Variants in TBC1D22A observed in about 807,000 individuals in gnomAD.
TBC1D22A encodes the protein TBC1 domain family member 22A, also known as putative GTPase activator.
TBC1D22A carries 38 observed loss-of-function variants against 60.2 expected under a neutral mutation model. The observed-to-expected ratio is 0.63, with a 90% CI of 0.49 to 0.83. The LOEUF (loss-of-function observed/expected upper bound fraction) is 0.83. TBC1D22A is among the 40% of genes least tolerant of loss of function. The probability of loss-of-function intolerance (pLI) is 0.00; values close to 1 mark genes in which losing one functional copy is unlikely to be tolerated. For synonymous variants in TBC1D22A, 302 were observed against 281.7 expected (o/e 1.07, Z -0.72); for missense variants, 628 against 701.0 (o/e 0.90, Z 1.18).
intron 12 of TBC1D22A, among the ~76,000 whole-genome samples, chr22:47,130,223 G>A (rs1218660975): frequency 1.3e-5 from 2 of 152,212 alleles, no homozygotes; most frequent in East Asian, 3.9e-4. Context: ...GGTTACCGGA[G>A]CGGGCGTGTC....
At chr22:46,770,791 T>G (rs1416995328) in intron 1 of TBC1D22A, among the ~76,000 whole-genome samples, 1 of 152,254 alleles carries the variant, frequency 6.6e-6, no homozygotes, top group Non-Finnish European at 1.5e-5. Flanking sequence ...TATTGCCTTT[T>G]GCTTATGTTT....
intron 1 of TBC1D22A, among the ~76,000 whole-genome samples, chr22:46,769,527 C>T (rs1047501539): frequency 1.3e-5 from 2 of 152,200 alleles, no homozygotes; most frequent in Non-Finnish European, 2.9e-5. Context: ...ATGCTCATGT[C>T]CTCCTTACAC....
intron 11 of TBC1D22A, among the ~76,000 whole-genome samples, chr22:47,051,269 A>C (rs114808891): frequency 3.3e-5 from 5 of 152,318 alleles, no homozygotes; most frequent in African/African-American, 1.2e-4. Flanking sequence ...ACATAGAGCA[A>C]ATTTCCCTAG....
chr22:46,858,757 C>CGTCCT (rs2087706940), intron 4 of TBC1D22A, among the ~76,000 whole-genome samples: 1 of 152,212 alleles, frequency 6.6e-6, no homozygotes, highest in South Asian at 2.1e-4. Flanking sequence ...AGAGGGAGGA[C>CGTCCT]ACCCACCGCT....
intron 12 of TBC1D22A, among the ~76,000 whole-genome samples, chr22:47,127,385 G>A (rs1008564622): frequency 2.9e-5 from 4 of 139,582 alleles, no homozygotes; most frequent in African/African-American, 1.1e-4. Context: ...GTGCTACCAC[G>A]CCCAGCTGAT....
chr22:47,030,607 T>A (rs897284703), intron 10 of TBC1D22A, among the ~76,000 whole-genome samples: 8 of 152,228 alleles, frequency 5.3e-5, no homozygotes, highest in Admixed American at 5.2e-4. Flanking sequence ...AAGGGCTTTA[T>A]GAAAAAACCT....
At chr22:47,123,849 G>C (rs145474905) in intron 12 of TBC1D22A, among the ~76,000 whole-genome samples, 1 of 152,192 alleles carries the variant, frequency 6.6e-6, no homozygotes, top group African/African-American at 2.4e-5. Context: ...AGGGTCATGC[G>C]TGCTGTGAGA....
chr22:46,895,523 C>T (rs1042763426), intron 7 of TBC1D22A, among the ~76,000 whole-genome samples: 1 of 152,216 alleles, frequency 6.6e-6, no homozygotes, highest in African/African-American at 2.4e-5. Context: ...AGGCACCCAC[C>T]ACCACGCCCG....
At chr22:46,856,488 A>C (rs1200758971) in intron 4 of TBC1D22A, among the ~76,000 whole-genome samples, 1 of 152,260 alleles carries the variant, frequency 6.6e-6, no homozygotes, top group Non-Finnish European at 1.5e-5. Flanking sequence ...GAAAGGATTT[A>C]GATTTTTAAC....
chr22:47,163,293 T>C (rs988456963), intron 12 of TBC1D22A, among the ~76,000 whole-genome samples: 7 of 152,264 alleles, frequency 4.6e-5, no homozygotes, highest in African/African-American at 1.7e-4. Context: ...CCCCTCCCAA[T>C]GCCTGCACTC....
chr22:47,174,763 G>A lies in TBC1D22A; in HGVS notation c.*1137G>A, dbSNP rs922644596. ...GTGGACCAGTTCCCGCTGTATACTG[G>A]TTCTGCCCTGGACTGGTTCCCGCTG... is the stretch of plus-strand genomic sequence containing the variant. On this transcript the variant is annotated 3_prime_UTR_variant, in exon 13 of 13. Transcript: ENST00000337137. 6 of 148,900 alleles carry A rather than the reference G, an allele frequency of 4.0e-5. No individual in the cohort carries two copies. Among genetic ancestry groups the A allele is most frequent in the Non-Finnish European group, 9.1e-5 (6 of 65,904 alleles). 9.2% of individuals were successfully genotyped at this position (148,900 alleles called of 1,614,324 possible).
At chr22:46,936,796 T>C (rs1431227510) in intron 8 of TBC1D22A, among the ~76,000 whole-genome samples, 2 of 152,244 alleles carry the variant, frequency 1.3e-5, no homozygotes, top group Non-Finnish European at 2.9e-5. Flanking sequence ...CTGCTCTTCG[T>C]AAGCCACACT....
intron 7 of TBC1D22A, among the ~76,000 whole-genome samples, chr22:46,911,456 A>C (rs1320228507): frequency 2.0e-5 from 3 of 152,280 alleles, no homozygotes; most frequent in African/African-American, 7.2e-5. Context: ...CTCCCTGAGG[A>C]AGTCTCCACT....
chr22:47,161,070 C>CCA, intron 12 of TBC1D22A, among the ~76,000 whole-genome samples: 1 of 152,218 alleles, frequency 6.6e-6, no homozygotes, highest in African/African-American at 2.4e-5. Context: ...GCCCTGCCTC[C>CCA]CAGCTGGCCC....
intron 8 of TBC1D22A, among the ~76,000 whole-genome samples, chr22:46,953,161 CATTTA>C (rs1387640702): frequency 1.3e-5 from 2 of 152,184 alleles, no homozygotes; most frequent in East Asian, 3.8e-4. Flanking sequence ...CTGTTTTCCA[CATTTA>C]ATTTATCCAA....
rs1304580800 is a variant in TBC1D22A, at chr22:47,170,815, G to A, written c.1426-2683G>A. 1.3e-3 allele frequency among the ~76,000 whole-genome samples: 144 copies of A among 111,964 alleles called. 18 individuals are homozygous for A. The highest frequency in any genetic ancestry group is 1.5e-3 in the African/African-American group (43 of 27,916). 73.5% of individuals were successfully genotyped at this position (111,964 alleles called of 152,430 possible). A position where few individuals can be genotyped will look rare whatever the true frequency, so the allele number is the denominator to read the frequency against. On this transcript the variant is annotated intron_variant, in intron 12 of 12. Transcript: ENST00000337137. ...GTAACCCTCCTGATGCAGGACCGGA[G>A]AGAGGGCAGTCCTGGTGTGTAACCC...
intron 7 of TBC1D22A, among the ~76,000 whole-genome samples, chr22:46,903,267 C>T (rs980495519): frequency 2.0e-5 from 3 of 152,116 alleles, no homozygotes; most frequent in African/African-American, 7.2e-5. Context: ...AGGCTGCAGG[C>T]GAAGGGGCTC....
At chr22:47,132,126 C>A (rs1228116063) in intron 12 of TBC1D22A, among the ~76,000 whole-genome samples, 1 of 152,168 alleles carries the variant, frequency 6.6e-6, no homozygotes, top group Admixed American at 6.5e-5. Context: ...GACGCCAGAG[C>A]CCCGGACCCC....
At position 46,781,704 on chromosome 22, in the gene TBC1D22A, C is replaced by T. The variant is rs138889141; in HGVS notation, c.63-10816C>T. 4.4e-3 allele frequency among the ~76,000 whole-genome samples: 677 copies of T among 152,314 alleles called. 3 individuals are homozygous for T. The highest frequency in any genetic ancestry group is 0.016 in the African/African-American group (650 of 41,566). On this transcript the variant is annotated intron_variant, in intron 1 of 12. Coordinates refer to ENST00000337137, the MANE Select transcript of TBC1D22A (RefSeq NM_014346.5). ...TGGGGCATCTCTCTGCCGGCCCCTC[C>T]CTGGCCTGCCCCGGAGTATCTTGTC...
Sources: allele counts gnomAD v4.1 joint callset (sites outside exome capture counted in the v4.1 genomes callset), GRCh38; gene constraint gnomAD v4.1.1; transcripts MANE v1.5; gene names NCBI Gene and HGNC (gene_info 2026-07-23, HGNC 2026-07-21).